Variants in RPGR observed in about 807,000 individuals in gnomAD.
RPGR encodes the protein X-linked retinitis pigmentosa GTPase regulator.
A neutral mutation model predicts 56.3 loss-of-function variants in RPGR; 10 were observed. The observed-to-expected ratio is 0.18, with a 90% CI of 0.11 to 0.30. The LOEUF (loss-of-function observed/expected upper bound fraction) is 0.30, where lower values mean the gene tolerates loss of function less well. RPGR is among the 10% of genes least tolerant of loss of function. RPGR has a pLI of 1.00. For synonymous variants in RPGR, 197 were observed against 212.9 expected, an observed-to-expected ratio of 0.93 and a Z score of 0.65; for missense variants, 538 against 590.9, an observed-to-expected ratio of 0.91 and a Z score of 0.93.
intron 15 of RPGR, among the ~76,000 whole-genome samples, chrX:38,281,968 A>G (rs1018952900): frequency 1.6e-4 from 18 of 111,520 alleles, no homozygotes; most frequent in African/African-American, 5.9e-4. Flanking sequence ...TTTGGTTCAT[A>G]AGCTCACATC....
chrX:38,317,693 T>C (rs1201523931), intron 5 of RPGR: 3 of 351,090 alleles, frequency 8.5e-6, no homozygotes, highest in Non-Finnish European at 9.9e-6. Flanking sequence ...TGTAAATCAC[T>C]TAAGTCCTGA....
At chrX:38,293,655 T>G (rs914740546) in intron 11 of RPGR, among the ~76,000 whole-genome samples, 1 of 111,890 alleles carries the variant, frequency 8.9e-6, no homozygotes, top group African/African-American at 3.2e-5. Context: ...CTGATGGCCT[T>G]GCCTCAGATT....
At chrX:38,323,949 C>T (rs1292084337) in intron 1 of RPGR, among the ~76,000 whole-genome samples, 4 of 112,235 alleles carry the variant, frequency 3.6e-5, no homozygotes, top group Non-Finnish European at 5.6e-5. Context: ...GACAGTATTT[C>T]GTTTCCTCAT....
Position 38,276,642 on chromosome X carries a change from T to C in RPGR, c.2036A>G (p.Lys679Arg). The C allele has an allele frequency of 8.3e-7, 1 of 1,211,216 alleles. No individual in the cohort carries two copies. Among genetic ancestry groups the C allele is most frequent in the Non-Finnish European group, 1.1e-6 (1 of 895,126 alleles). Residue 679 changes from lysine (K) to arginine (R), a missense_variant, in exon 16 of 19, where the codon AAA becomes AGA. By Grantham distance (26) the Lys-to-Arg change is conservative. Coordinates refer to ENST00000642395, the MANE Select transcript of RPGR (RefSeq NM_000328.3). ...ATTGGTTCTTTCTGCTCCTTCTGTT[T>C]TACTGTGATAACCTGTAGGAACACT...
chrX:38,285,876 C>T (rs1569235275), intron 15 of RPGR: 2 of 1,200,013 alleles, frequency 1.7e-6, no homozygotes, highest in Non-Finnish European at 2.2e-6. Context: ...CTTCTCCTTC[C>T]TCCTCTCCTT....
At chrX:38,321,911 T>C (rs1240981052) in intron 3 of RPGR, among the ~76,000 whole-genome samples, 3 of 111,522 alleles carry the variant, frequency 2.7e-5, no homozygotes, top group Non-Finnish European at 5.6e-5. Flanking sequence ...GTGCTTGGCA[T>C]AGGGGCTGCA....
chrX:38,320,878 CA>C, intron 4 of RPGR, 148 bp downstream of exon 4: 1 of 495,556 alleles, frequency 2.0e-6, no homozygotes, highest in Non-Finnish European at 3.5e-6. Flanking sequence ...TTTGCAAAGG[CA>C]AACGTGTACT....
At chrX:38,314,736 C>T (rs897102315) in intron 6 of RPGR, among the ~76,000 whole-genome samples, 2 of 111,514 alleles carry the variant, frequency 1.8e-5, no homozygotes, top group Non-Finnish European at 3.8e-5. Context: ...ATTTAAAACA[C>T]GAACATGAGC....
intron 1 of RPGR, among the ~76,000 whole-genome samples, chrX:38,323,942 A>G (rs2067995472): frequency 8.9e-6 from 1 of 112,230 alleles, no homozygotes; most frequent in Non-Finnish European, 1.9e-5. Context: ...GAAACAGGAC[A>G]GTATTTCGTT....
intron 13 of RPGR, among the ~76,000 whole-genome samples, chrX:38,290,181 T>A (rs1351277368): frequency 8.9e-6 from 1 of 112,196 alleles, no homozygotes; most frequent in Non-Finnish European, 1.9e-5. Context: ...TGAAAACATG[T>A]CAAAGACACT....
chrX:38,277,381 A>C (rs921926033), intron 15 of RPGR, among the ~76,000 whole-genome samples: 6 of 111,844 alleles, frequency 5.4e-5, no homozygotes, highest in African/African-American at 1.9e-4. Flanking sequence ...GAGGCTGTCT[A>C]TGGATTTGAT....
At position 38,310,647 on chromosome X, in the gene RPGR, G is replaced by A. The variant is rs1251721610; in HGVS notation, c.746C>T (p.Ala249Val). Residue 249 changes from alanine to valine, a missense_variant, in exon 7 of 19, where the codon GCC becomes GTC. Physicochemically the swap from Ala to Val is moderately conservative, Grantham distance 64. Coordinates refer to ENST00000642395, the MANE Select transcript of RPGR (RefSeq NM_000328.3). ...AACCACAGTATGCTCTCCACCACAG[G>A]CTACTTGGATCACCTTCTCCGGAAT... 8.3e-7 allele frequency: 1 copy of A among 1,211,211 alleles called. No individual in the cohort carries two copies. Among genetic ancestry groups the A allele is most frequent in the Non-Finnish European group, 1.1e-6 (1 of 895,283 alleles).
intron 5 of RPGR, chrX:38,317,792 C>T (rs1466428696): frequency 5.5e-6 from 1 of 180,705 alleles, no homozygotes; most frequent in Non-Finnish European, 1.0e-5. Flanking sequence ...AAATGTTCTC[C>T]TCCTTCCAAG....
At position 38,278,437 on chromosome X, in the gene RPGR, C is replaced by T. The variant is rs778771732; in HGVS notation, c.1906-1665G>A. ...TGTACTTTTAGTAAAGACGGGGTTTCGCCATGTTGGCCAGGCTGGCCTCAA... is the reference window on the plus strand; with the variant it reads ...TGTACTTTTAGTAAAGACGGGGTTTTGCCATGTTGGCCAGGCTGGCCTCAA... On this transcript the variant is annotated intron_variant, in intron 15 of 18. Transcript: ENST00000642395. 5.9e-3 allele frequency among the ~76,000 whole-genome samples: 662 copies of T among 111,970 alleles called. 7 individuals are homozygous for T. The highest frequency in any genetic ancestry group is 0.02 in the African/African-American group (629 of 30,801).
chrX:38,270,620 C>A (rs1300291748), intron 18 of RPGR, among the ~76,000 whole-genome samples: 9 of 73,140 alleles, frequency 1.2e-4, no homozygotes, highest in African/African-American at 4.4e-4. Flanking sequence ...GAGACTCTGT[C>A]CCCAAAAAAA....
At position 38,275,121 on chromosome X, in the gene RPGR, C is replaced by T. The variant is rs758849023; in HGVS notation, c.2117G>A (p.Arg706Gln). 11 of 1,208,196 alleles carry T rather than the reference C, an allele frequency of 9.1e-6. No homozygotes were observed. The highest frequency in any genetic ancestry group is 1.1e-5 in the Non-Finnish European group (10 of 894,020). The change falls in exon 17 of 19, where the codon CGG becomes CAG. Residue 706 changes from arginine (R) to glutamine (Q), a missense_variant. Physicochemically the swap from Arg to Gln is conservative, Grantham distance 43. Transcript: ENST00000642395. The stretch of plus-strand genomic sequence containing the variant: ...GTTTTCATTGTACTCACAAATGGCC[C>T]GTTCCTCTAGGTTGGCTTTTTCTTT...
intron 15 of RPGR, chrX:38,285,085 T>C: frequency 1.4e-6 from 1 of 737,677 alleles, no homozygotes; most frequent in African/African-American, 2.3e-5. Flanking sequence ...AATTATTCTA[T>C]ACAGTAGGTA....
chrX:38,309,554 G>A (rs1177230189), intron 7 of RPGR, among the ~76,000 whole-genome samples: 14 of 112,888 alleles, frequency 1.2e-4, no homozygotes, highest in Non-Finnish European at 2.6e-4. Flanking sequence ...CAGGCCAGGT[G>A]TGGTGGCTCA....
In RPGR at chrX:38,298,863, A is replaced by G. The variant is rs966346818; in HGVS notation, c.1245+93T>C. The G allele has an allele frequency of 2.3e-5, 22 of 938,481 alleles. No individual in the cohort carries two copies. The African/African-American group carries it at 3.7e-4, about 16-fold the overall frequency. 77.3% of individuals were successfully genotyped at this position (938,481 alleles called of 1,213,427 possible). ...TTATGTAGCAAATTTATCTGAGAAG[A>G]CCCTTTGATTTAAAAAGAAAACAGA... On this transcript the variant is annotated intron_variant, in intron 10 of 18. Coordinates refer to ENST00000642395, the MANE Select transcript of RPGR (RefSeq NM_000328.3).
Sources: allele counts gnomAD v4.1 joint callset (sites outside exome capture counted in the v4.1 genomes callset), GRCh38; gene constraint gnomAD v4.1.1; transcripts MANE v1.5; gene names NCBI Gene and HGNC (gene_info 2026-07-23, HGNC 2026-07-21).